GPC5: variants seen among roughly 807,000 people sequenced by gnomAD.
GPC5 encodes the protein glypican 5, also known as glypican-5.
GPC5 carries 47 observed loss-of-function variants against 53.9 expected under a neutral mutation model. The ratio of observed to expected loss-of-function variants is 0.87; its 90% CI spans 0.69 to 1.11. The LOEUF (loss-of-function observed/expected upper bound fraction) is 1.11, where lower values mean the gene tolerates loss of function less well. Ranked by LOEUF, GPC5 falls within the 50% of genes most tolerant of loss-of-function variation. The pLI is 0.00. For synonymous variants in GPC5, 286 were observed against 263.3 expected, an observed-to-expected ratio of 1.09 and a Z score of -0.84; for missense variants, 748 against 713.1, an observed-to-expected ratio of 1.05 and a Z score of -0.56.
At chr13:91,624,829 C>A (rs1440983520) in intron 2 of GPC5, among the ~76,000 whole-genome samples, 1 of 151,792 alleles carries the variant, frequency 6.6e-6, no homozygotes, top group Non-Finnish European at 1.5e-5. Flanking sequence ...TTATAAATTA[C>A]AAACTATTAT....
chr13:91,796,167 T>A (rs1316647136), intron 5 of GPC5, among the ~76,000 whole-genome samples: 2 of 152,004 alleles, frequency 1.3e-5, no homozygotes, highest in African/African-American at 4.8e-5. Context: ...AAGCTGTGGG[T>A]CATGGAAAGG....
chr13:91,966,463 A>T lies in GPC5; in HGVS notation c.1401+58406A>T, dbSNP rs185529847. Among the ~76,000 whole-genome samples the T allele has an allele frequency of 4.6e-5, 7 of 152,318 alleles. No individual in the cohort carries two copies. The East Asian group carries it at 1.3e-3, about 29-fold the overall frequency. ...CAAGTAACAAATTGCTTCGTAGTAA[A>T]ATATTTTATTCTGAATATTAAACAA... On this transcript the variant is annotated intron_variant, in intron 6 of 7. Transcript: ENST00000377067.
chr13:92,801,262 G>A (rs560002390), intron 7 of GPC5, among the ~76,000 whole-genome samples: 31 of 151,456 alleles, frequency 2.0e-4, no homozygotes, highest in African/African-American at 6.5e-4. Context: ...AGACATTTTG[G>A]TCGACCACAG....
At chr13:92,388,995 A>C (rs1163590964) in intron 7 of GPC5, among the ~76,000 whole-genome samples, 1 of 152,136 alleles carries the variant, frequency 6.6e-6, no homozygotes, top group Non-Finnish European at 1.5e-5. Flanking sequence ...TTATTTCTAC[A>C]GAAAAACACC....
At chr13:92,290,912 G>T (rs2042989863) in intron 7 of GPC5, among the ~76,000 whole-genome samples, 1 of 152,146 alleles carries the variant, frequency 6.6e-6, no homozygotes, top group African/African-American at 2.4e-5. Flanking sequence ...GGAAACCGGG[G>T]CTGCGCACAG....
intron 2 of GPC5, among the ~76,000 whole-genome samples, chr13:91,667,788 T>G (rs2035151967): frequency 1.3e-5 from 2 of 152,154 alleles, no homozygotes; most frequent in Admixed American, 1.3e-4. Context: ...CATGTGGAGT[T>G]GAGTTGGTCC....
chr13:91,912,139 T>G (rs2039615704), intron 6 of GPC5, among the ~76,000 whole-genome samples: 1 of 152,208 alleles, frequency 6.6e-6, no homozygotes, highest in Non-Finnish European at 1.5e-5. Flanking sequence ...CAAAAAATTG[T>G]ATTGCAAAAA....
At chr13:91,626,791 G>T (rs554366275) in intron 2 of GPC5, among the ~76,000 whole-genome samples, 1 of 151,848 alleles carries the variant, frequency 6.6e-6, no homozygotes, top group Non-Finnish European at 1.5e-5. Context: ...TTTACATTAG[G>T]TATATCTCCT....
intron 2 of GPC5, among the ~76,000 whole-genome samples, chr13:91,545,459 A>C (rs549907966): frequency 6.6e-6 from 1 of 152,178 alleles, no homozygotes; most frequent in Non-Finnish European, 1.5e-5. Flanking sequence ...TCTTTGGGTT[A>C]CATTCAAGTT....
intron 6 of GPC5, chr13:91,995,242 G>A (rs8002200): frequency 0.028 from 4,297 of 152,228 alleles, 150 homozygotes; most frequent in African/African-American, 0.087. Context: ...AAAGTGCTGG[G>A]ATTACAGGAG....
intron 7 of GPC5, among the ~76,000 whole-genome samples, chr13:92,682,751 A>C (rs1308668243): frequency 6.6e-6 from 1 of 152,238 alleles, no homozygotes; most frequent in East Asian, 1.9e-4. Flanking sequence ...TTGTACCTAC[A>C]AAATTTTATC....
intron 5 of GPC5, among the ~76,000 whole-genome samples, chr13:91,821,254 T>C (rs1441915143): frequency 6.6e-6 from 1 of 152,228 alleles, no homozygotes; most frequent in African/African-American, 2.4e-5. Context: ...ATTGTAATTA[T>C]TGAAACTTTG....
intron 6 of GPC5, among the ~76,000 whole-genome samples, chr13:91,938,906 GA>G (rs975327919): frequency 1.8e-4 from 28 of 151,978 alleles, no homozygotes; most frequent in Non-Finnish European, 3.5e-4. Flanking sequence ...TAGTGATAAT[GA>G]AAAAGAATAT....
chr13:91,468,980 C>G lies in GPC5; in HGVS notation c.325+20058C>G, dbSNP rs548847054. The stretch of plus-strand genomic sequence containing the variant: ...GTAGCCTTGACCTCCAGGACTCAAG[C>G]CATCCTCCCACCTCAGCCTCCTGAG... On this transcript the variant is annotated intron_variant, in intron 2 of 7. Transcript: ENST00000377067. 1.5e-4 allele frequency among the ~76,000 whole-genome samples: 22 copies of G among 151,392 alleles called. No homozygotes were observed. In the South Asian group the frequency reaches 4.6e-3, roughly 32 times the overall value.
Position 92,694,175 on chromosome 13 carries a change from G to A in GPC5, c.1562-172107G>A, listed in dbSNP as rs1185265944. The stretch of plus-strand genomic sequence containing the variant: ...ATGTATGGAAATGCCTGGATGTCCA[G>A]GCAGAAGTCTGCTGCAGAGGCAGGG... On this transcript the variant is annotated intron_variant, in intron 7 of 7. Transcript: ENST00000377067. Among the ~76,000 whole-genome samples the A allele has an allele frequency of 2.0e-5, 3 of 152,322 alleles. No individual in the cohort carries two copies. The East Asian group carries it at 5.8e-4, about 29-fold the overall frequency.
chr13:92,368,913 C>T (rs932653047), intron 7 of GPC5, among the ~76,000 whole-genome samples: 1 of 152,042 alleles, frequency 6.6e-6, no homozygotes, highest in Admixed American at 6.5e-5. Flanking sequence ...TTTCTGTTAC[C>T]ATTTTTTAAG....
At chr13:91,904,422 AAAT>A (rs960480196) in intron 5 of GPC5, among the ~76,000 whole-genome samples, 2 of 151,990 alleles carry the variant, frequency 1.3e-5, no homozygotes, top group African/African-American at 4.8e-5. Context: ...TTAGAGAAAA[AAAT>A]AACATTTTGC....
chr13:91,588,898 C>G (rs1156284594), intron 2 of GPC5, among the ~76,000 whole-genome samples: 1 of 152,076 alleles, frequency 6.6e-6, no homozygotes, highest in Non-Finnish European at 1.5e-5. Flanking sequence ...CCCTTTTTAC[C>G]AAACTTAAAA....
intron 7 of GPC5, among the ~76,000 whole-genome samples, chr13:92,187,106 C>T (rs1033978876): frequency 1.5e-5 from 2 of 136,444 alleles, no homozygotes; most frequent in Admixed American, 7.0e-5. Flanking sequence ...GAGCAAAACT[C>T]CATCTCAAAA....
Sources: gnomAD v4.1 joint callset for allele counts (sites outside exome capture counted in the v4.1 genomes callset) on GRCh38, gnomAD v4.1.1 for gene constraint, MANE v1.5 for transcripts, NCBI Gene and HGNC (gene_info 2026-07-23, HGNC 2026-07-21) for gene names.